The following NOMO2 variants were observed in gnomAD, a reference collection of about 807,000 sequenced individuals.
The protein encoded by NOMO2 is BOS complex subunit NOMO2.
NOMO2 carries 14 observed loss-of-function variants against 67.1 expected under a neutral mutation model. The ratio of observed to expected loss-of-function variants is 0.21; its 90% CI spans 0.14 to 0.33. The LOEUF is 0.33. NOMO2 is among the 10% of genes least tolerant of loss of function. NOMO2 has a pLI of 1.00. For missense variants in NOMO2, 178 were observed against 761.0 expected, an observed-to-expected ratio of 0.23 and a Z score of 9.01; for synonymous variants, 80 against 305.9, an observed-to-expected ratio of 0.26 and a Z score of 7.71.
chr16:18,535,419 T>G (rs868232888), intron 11 of NOMO2, among the ~76,000 whole-genome samples: 34 of 152,222 alleles, frequency 2.2e-4, no homozygotes, highest in Non-Finnish European at 3.1e-4. Context: ...CCAAAAATGT[T>G]CAACAAATGC....
intron 16 of NOMO2, among the ~76,000 whole-genome samples, chr16:18,525,191 T>C (rs1253835861): frequency 4.0e-5 from 6 of 150,110 alleles, no homozygotes; most frequent in African/African-American, 1.5e-4. Flanking sequence ...CTGTTTTCAT[T>C]GCACTCAACA....
intron 1 of NOMO2, among the ~76,000 whole-genome samples, chr16:18,561,181 A>AC (rs1555467899): frequency 9.0e-5 from 11 of 122,016 alleles, no homozygotes; most frequent in South Asian, 2.9e-4. Flanking sequence ...ATTAAAAAAA[A>AC]AAAAAAAAAA....
intron 1 of NOMO2, among the ~76,000 whole-genome samples, chr16:18,560,655 A>T (rs562772625): frequency 6.6e-6 from 1 of 151,894 alleles, no homozygotes; most frequent in African/African-American, 2.4e-5. Flanking sequence ...GAAGAAGATC[A>T]CGGATCCGCT....
chr16:18,545,337 A>T (rs1333781556), intron 6 of NOMO2, among the ~76,000 whole-genome samples: 1 of 151,240 alleles, frequency 6.6e-6, no homozygotes, highest in Admixed American at 6.6e-5. Flanking sequence ...ACCTCAAGTG[A>T]TCCACCCACC....
At chr16:18,528,865 G>T (rs2141717771) in intron 15 of NOMO2, among the ~76,000 whole-genome samples, 1 of 149,106 alleles carries the variant, frequency 6.7e-6, no homozygotes, top group Non-Finnish European at 1.5e-5. Context: ...CTACTCGGGG[G>T]GCTGAAGCAG....
At chr16:18,528,187 C>T (rs1485774175) in intron 15 of NOMO2, 6 of 395,150 alleles carry the variant, frequency 1.5e-5, no homozygotes, top group Non-Finnish European at 2.6e-5. Context: ...TGTGGGACTG[C>T]AGAGGACCAC....
intron 11 of NOMO2, among the ~76,000 whole-genome samples, chr16:18,534,291 T>C (rs1391930896): frequency 1.3e-5 from 2 of 151,506 alleles, no homozygotes; most frequent in Non-Finnish European, 2.9e-5. Flanking sequence ...CATTTGTGTA[T>C]GAACTGCAAG....
intron 9 of NOMO2, among the ~76,000 whole-genome samples, chr16:18,540,658 T>G (rs1901529852): frequency 6.6e-6 from 1 of 151,326 alleles, no homozygotes; most frequent in African/African-American, 2.4e-5. Context: ...ACTGTGCATA[T>G]GACCTAAAAG....
At chr16:18,544,866 T>C (rs1302360792) in intron 6 of NOMO2, among the ~76,000 whole-genome samples, 6 of 151,916 alleles carry the variant, frequency 3.9e-5, no homozygotes, top group Admixed American at 2.0e-4. Flanking sequence ...AATTGGGCAC[T>C]GGTTACCCAA....
chr16:18,526,284 G>A (rs1484176378), intron 16 of NOMO2, among the ~76,000 whole-genome samples: 1 of 152,126 alleles, frequency 6.6e-6, no homozygotes, highest in Non-Finnish European at 1.5e-5. Flanking sequence ...GGCGAAGGAG[G>A]TGAAGAAACC....
At chr16:18,544,484 C>T (rs911832100) in intron 6 of NOMO2, among the ~76,000 whole-genome samples, 9 of 152,138 alleles carry the variant, frequency 5.9e-5, no homozygotes, top group Non-Finnish European at 1.3e-4. Flanking sequence ...CCAAGTCTCA[C>T]CCAATTCAAG....
chr16:18,526,276 C>T (rs1204586912), intron 16 of NOMO2, among the ~76,000 whole-genome samples: 3 of 152,112 alleles, frequency 2.0e-5, no homozygotes, highest in Non-Finnish European at 2.9e-5. Flanking sequence ...CAAATGTTGG[C>T]GAAGGAGGTG....
chr16:18,539,890 C>T (rs936194750), intron 9 of NOMO2, among the ~76,000 whole-genome samples: 9 of 152,222 alleles, frequency 5.9e-5, no homozygotes, highest in East Asian at 1.9e-4. Context: ...GCTTTCTCTG[C>T]AGTTACTGAG....
chr16:18,553,184 A>C (rs1277890204), intron 3 of NOMO2, among the ~76,000 whole-genome samples: 3 of 151,936 alleles, frequency 2.0e-5, no homozygotes, highest in African/African-American at 7.3e-5. Context: ...CTGAGGCACA[A>C]GAATTGCTTG....
intron 12 of NOMO2, among the ~76,000 whole-genome samples, chr16:18,531,870 G>A (rs530303194): frequency 2.7e-4 from 41 of 152,118 alleles, no homozygotes; most frequent in Admixed American, 2.0e-3. Context: ...CCACAGGCCC[G>A]CAACGCGGAC....
In NOMO2 at chr16:18,531,567, A is replaced by G. The variant is rs1238274547; in HGVS notation, c.1436T>C (p.Leu479Ser). 2 of 1,611,326 alleles carry G rather than the reference A, an allele frequency of 1.2e-6. No homozygotes were observed. Among genetic ancestry groups the G allele is most frequent in the East Asian group, 4.5e-5 (2 of 44,560 alleles). The change falls in exon 13 of 31, where the codon TTG (leucine) becomes TCG (serine). Residue 479 changes from leucine to serine, a missense_variant. Coordinates refer to ENST00000622306, the MANE Select transcript of NOMO2 (RefSeq NM_173614.4). ...PEAETRAGLT[L>S]KPQTFPLTVT... ...AGTAAGAGGAAATGTCTGGGGTTTC[A>G]ACGTCAGCCCTGCTCTGGTTTCTGC...
chr16:18,547,542 T>C (rs1229769196), intron 5 of NOMO2, among the ~76,000 whole-genome samples: 1 of 152,040 alleles, frequency 6.6e-6, no homozygotes, highest in Non-Finnish European at 1.5e-5. Flanking sequence ...AGAGGAGTGC[T>C]TACGTCTCCC....
chr16:18,553,377 T>C (rs1375454418), intron 3 of NOMO2, among the ~76,000 whole-genome samples: 7 of 151,904 alleles, frequency 4.6e-5, no homozygotes, highest in African/African-American at 7.2e-5. Context: ...CTACAAATGA[T>C]AGAGATAAAG....
In NOMO2 at chr16:18,555,316, G is replaced by A. The variant is rs532074090; in HGVS notation, c.256-464C>T. ...AGGCCAAGGCAGGAGGGTCACTTGA[G>A]GCCAGGAGTTCAAGACCAGCCTAAG... On this transcript the variant is annotated intron_variant, in intron 2 of 30. Coordinates refer to ENST00000622306, the MANE Select transcript of NOMO2 (RefSeq NM_173614.4). 7.9e-3 allele frequency among the ~76,000 whole-genome samples: 1,186 copies of A among 150,940 alleles called. 11 individuals are homozygous for A. The highest frequency in any genetic ancestry group is 0.025 in the South Asian group (117 of 4,698).
Sources: allele counts gnomAD v4.1 joint callset (sites outside exome capture counted in the v4.1 genomes callset), GRCh38; gene constraint gnomAD v4.1.1; transcripts MANE v1.5; gene names NCBI Gene and HGNC (gene_info 2026-07-23, HGNC 2026-07-21).